The following MAGI1 variants were observed in gnomAD, a reference collection of about 807,000 sequenced individuals.
MAGI1 encodes the protein membrane-associated guanylate kinase, WW and PDZ domain-containing protein 1.
A neutral mutation model predicts 139.9 loss-of-function variants in MAGI1; 58 were observed. The observed-to-expected ratio is 0.41, with a 90% CI of 0.34 to 0.52. The LOEUF is 0.52. MAGI1 is among the 20% of genes least tolerant of loss of function. The pLI, the probability that MAGI1 is intolerant of heterozygous loss-of-function variation, is 0.12. For missense variants in MAGI1, 1,874 were observed against 1,901.6 expected (o/e 0.99, Z 0.27); for synonymous variants, 812 against 737.9 (o/e 1.10, Z -1.63).
chr3:65,416,997 T>C (rs1424993992), intron 12 of MAGI1, among the ~76,000 whole-genome samples: 3 of 152,096 alleles, frequency 2.0e-5, no homozygotes, highest in East Asian at 1.9e-4. Context: ...GTGATTTCAT[T>C]TGAGGGAAAT....
At chr3:65,926,573 A>G (rs183217413) in intron 1 of MAGI1, among the ~76,000 whole-genome samples, 1 of 152,328 alleles carries the variant, frequency 6.6e-6, no homozygotes, top group Non-Finnish European at 1.5e-5. Context: ...GCTGCAGTAA[A>G]GAAGCCAGCC....
intron 1 of MAGI1, among the ~76,000 whole-genome samples, chr3:65,991,501 G>A (rs1326903452): frequency 6.6e-6 from 1 of 152,062 alleles, no homozygotes; most frequent in Non-Finnish European, 1.5e-5. Context: ...GACAGAACCA[G>A]ACGTCGCTTT....
chr3:65,980,628 A>G (rs2107268179), intron 1 of MAGI1, among the ~76,000 whole-genome samples: 1 of 151,488 alleles, frequency 6.6e-6, no homozygotes, highest in East Asian at 1.9e-4. Context: ...GCTTATCAGT[A>G]GCTGAGGTGC....
chr3:65,615,539 T>C (rs2083326706), intron 2 of MAGI1, among the ~76,000 whole-genome samples: 1 of 152,190 alleles, frequency 6.6e-6, no homozygotes, highest in African/African-American at 2.4e-5. Context: ...GGTTTTCTGC[T>C]GAGTTGTCAC....
intron 18 of MAGI1, among the ~76,000 whole-genome samples, chr3:65,374,313 C>CTTTTTTTTTTTT (rs3072933): frequency 1.1e-5 from 1 of 95,054 alleles, no homozygotes; most frequent in Non-Finnish European, 1.9e-5. Flanking sequence ...ATCAACTTAA[C>CTTTTTTTTTTTT]TTTTTTTTTT....
intron 1 of MAGI1, among the ~76,000 whole-genome samples, chr3:65,932,409 C>A (rs2062844837): frequency 6.6e-6 from 1 of 152,214 alleles, no homozygotes; most frequent in African/African-American, 2.4e-5. Context: ...TTTTCTAAAA[C>A]TGCTCTCTCC....
chr3:65,585,751 A>G (rs2081643271), intron 2 of MAGI1, among the ~76,000 whole-genome samples: 1 of 152,180 alleles, frequency 6.6e-6, no homozygotes, highest in East Asian at 1.9e-4. Flanking sequence ...CTCTGAACCT[A>G]TTCTCTTGCT....
At chr3:65,360,390 A>T in intron 22 of MAGI1, 1 of 972,028 alleles carries the variant, frequency 1.0e-6, no homozygotes, top group Non-Finnish European at 1.2e-6. Context: ...CAAATCTCAA[A>T]TAAATAGGAC....
rs1358568984 is a variant in MAGI1, at chr3:65,871,612, G to A, written c.313+166384C>T. 2.0e-5 allele frequency among the ~76,000 whole-genome samples: 3 copies of A among 152,222 alleles called. No homozygotes were observed. The East Asian group carries it at 5.8e-4, about 29-fold the overall frequency. ...GCCAGTACAGCTGGAAACACAGCAG[G>A]TGGAGTGAGGTGGAGGGAAGGAACA... On this transcript the variant is annotated intron_variant, in intron 1 of 22. Transcript: ENST00000402939.
At chr3:65,994,797 G>A (rs1157414774) in intron 1 of MAGI1, among the ~76,000 whole-genome samples, 1 of 152,164 alleles carries the variant, frequency 6.6e-6, no homozygotes, top group Non-Finnish European at 1.5e-5. Context: ...CCTTCAACAG[G>A]AGGGGACTCT....
At position 65,518,632 on chromosome 3, in the gene MAGI1, T is replaced by C. The variant is rs375474966; in HGVS notation, c.431-25001A>G. ...TTGGTGGTATTATGAGACATTGTTA[T>C]AGTCACAAATTAAAATACTTCACAA... On this transcript the variant is annotated intron_variant, in intron 2 of 22. Transcript: ENST00000402939. Among the ~76,000 whole-genome samples, 4 of 152,186 alleles carry C rather than the reference T, an allele frequency of 2.6e-5. No individual in the cohort carries two copies. In the East Asian group the frequency reaches 7.7e-4, roughly 29 times the overall value.
intron 1 of MAGI1, among the ~76,000 whole-genome samples, chr3:65,771,078 G>A (rs567213823): frequency 3.4e-4 from 51 of 152,012 alleles, no homozygotes; most frequent in African/African-American, 1.2e-3. Flanking sequence ...AGGCCAAGGC[G>A]GGCAGATCAC....
chr3:65,823,624 C>T (rs2042062324), intron 1 of MAGI1, among the ~76,000 whole-genome samples: 1 of 152,186 alleles, frequency 6.6e-6, no homozygotes, highest in African/African-American at 2.4e-5. Context: ...TACTGTTACA[C>T]CTCCAGGTGG....
At chr3:65,753,474 AT>A in intron 1 of MAGI1, among the ~76,000 whole-genome samples, 1 of 152,282 alleles carries the variant, frequency 6.6e-6, no homozygotes, top group Non-Finnish European at 1.5e-5. Flanking sequence ...TAATCCCAGC[AT>A]TTTGGGAGGC....
intron 2 of MAGI1, among the ~76,000 whole-genome samples, chr3:65,599,108 G>C (rs2082365620): frequency 6.6e-6 from 1 of 152,136 alleles, no homozygotes; most frequent in South Asian, 2.1e-4. Flanking sequence ...AAGATGTTCT[G>C]AGAGGAAGAA....
At chr3:66,014,092 A>G (rs777881546) in intron 1 of MAGI1, among the ~76,000 whole-genome samples, 1 of 152,090 alleles carries the variant, frequency 6.6e-6, no homozygotes, top group Non-Finnish European at 1.5e-5. Flanking sequence ...CCCATTTCCC[A>G]TTTCTCTTGC....
At chr3:65,951,007 GGAAGGAAGGAAGGAA>G (rs2063819963) in intron 1 of MAGI1, among the ~76,000 whole-genome samples, 1 of 134,092 alleles carries the variant, frequency 7.5e-6, no homozygotes, top group Non-Finnish European at 1.6e-5. Flanking sequence ...AAGGAAGGAA[GGAAGGAAGGAAGGAA>G]GGAAGGAAGG....
At chr3:65,830,677 ATC>A (rs56732345) in intron 1 of MAGI1, among the ~76,000 whole-genome samples, 70,713 of 151,790 alleles carry the variant, frequency 0.47, 17,873 homozygotes, top group East Asian at 0.76. Context: ...ATATTATGCA[ATC>A]TGTTAGACAG....
intron 1 of MAGI1, among the ~76,000 whole-genome samples, chr3:65,771,968 C>A (rs1443205987): frequency 6.6e-6 from 1 of 152,244 alleles, no homozygotes; most frequent in East Asian, 1.9e-4. Context: ...TTTGGGAGGC[C>A]GAGGCGGGTG....
Sources: allele counts gnomAD v4.1 joint callset (sites outside exome capture counted in the v4.1 genomes callset), GRCh38; gene constraint gnomAD v4.1.1; transcripts MANE v1.5; gene names NCBI Gene and HGNC (gene_info 2026-07-23, HGNC 2026-07-21).